The following MDFIC variants were observed in gnomAD, a reference collection of about 807,000 sequenced individuals.
MDFIC encodes myoD family inhibitor domain-containing protein.
A neutral mutation model predicts 23.2 loss-of-function variants in MDFIC; 17 were observed. That is an observed-to-expected ratio of 0.73 (90% CI 0.50 to 1.10). The LOEUF (loss-of-function observed/expected upper bound fraction) is 1.10, where lower values mean the gene tolerates loss of function less well. Among genes scored for constraint, MDFIC ranks in the 50% least tolerant of loss-of-function variants. The pLI is 0.00. For missense variants in MDFIC, 356 were observed against 316.6 expected (o/e 1.12, Z -0.95); for synonymous variants, 120 against 115.2 (o/e 1.04, Z -0.27).
intron 3 of MDFIC, among the ~76,000 whole-genome samples, chr7:114,962,100 C>T (rs1239796867): frequency 6.6e-6 from 1 of 152,086 alleles, no homozygotes; most frequent in Non-Finnish European, 1.5e-5. Context: ...TTCTAGATAT[C>T]ATGTCATATA....
At chr7:115,013,720 A>G (rs913144200) in intron 4 of MDFIC, among the ~76,000 whole-genome samples, 3 of 152,222 alleles carry the variant, frequency 2.0e-5, no homozygotes, top group African/African-American at 7.2e-5. Context: ...TCATGACGAT[A>G]ATGTAATTCT....
intron 3 of MDFIC, among the ~76,000 whole-genome samples, chr7:114,962,646 G>T (rs1793016036): frequency 6.6e-6 from 1 of 152,190 alleles, no homozygotes; most frequent in South Asian, 2.1e-4. Flanking sequence ...TAGAGGATGT[G>T]CAGTGCTCAG....
chr7:114,968,055 G>A (rs554721391), intron 3 of MDFIC, among the ~76,000 whole-genome samples: 1 of 152,098 alleles, frequency 6.6e-6, no homozygotes, highest in East Asian at 1.9e-4. Context: ...GGGCTCAAGG[G>A]ATCCTCCTGC....
intron 3 of MDFIC, among the ~76,000 whole-genome samples, chr7:114,961,663 T>C (rs1792994654): frequency 6.6e-6 from 1 of 151,810 alleles, no homozygotes; most frequent in Admixed American, 6.6e-5. Flanking sequence ...TGGTGGAAGG[T>C]GAAGGGGAAA....
intron 4 of MDFIC, among the ~76,000 whole-genome samples, chr7:115,009,638 T>C (rs746993682): frequency 6.6e-6 from 1 of 152,248 alleles, no homozygotes; most frequent in African/African-American, 2.4e-5. Flanking sequence ...ACTTCTAAGA[T>C]GCTGTTTAAT....
intron 4 of MDFIC, among the ~76,000 whole-genome samples, chr7:114,993,260 T>C (rs1437349930): frequency 1.3e-5 from 2 of 152,284 alleles, no homozygotes; most frequent in Admixed American, 1.3e-4. Flanking sequence ...TTATTAGTCT[T>C]GGTAGCGGTC....
chr7:114,974,537 A>G (rs1015515647), intron 3 of MDFIC, among the ~76,000 whole-genome samples: 3 of 152,150 alleles, frequency 2.0e-5, no homozygotes, highest in Non-Finnish European at 4.4e-5. Context: ...TAAACTGAAT[A>G]GCATGAGAAT....
chr7:114,927,515 T>C (rs1389229908), intron 2 of MDFIC, among the ~76,000 whole-genome samples: 1 of 152,072 alleles, frequency 6.6e-6, no homozygotes, highest in Non-Finnish European at 1.5e-5. Context: ...TTATTTATTT[T>C]CATAATTATA....
At chr7:114,997,571 T>C (rs1363382264) in intron 4 of MDFIC, among the ~76,000 whole-genome samples, 1 of 61,290 alleles carries the variant, frequency 1.6e-5, no homozygotes, top group Non-Finnish European at 3.6e-5. Flanking sequence ...ACCTCATCTC[T>C]ACAGGAAAAA....
intron 3 of MDFIC, among the ~76,000 whole-genome samples, chr7:114,974,666 G>C (rs1027194780): frequency 3.3e-5 from 5 of 152,068 alleles, no homozygotes; most frequent in Admixed American, 6.6e-5. Context: ...TACTCCAGCA[G>C]CTGTGGTTTC....
intron 2 of MDFIC, among the ~76,000 whole-genome samples, chr7:114,940,977 GTC>G (rs145600396): frequency 0.018 from 2,683 of 152,096 alleles, 120 homozygotes; most frequent in East Asian, 0.17. Flanking sequence ...GCTTTGCTAG[GTC>G]TCTCTTTTAG....
chr7:114,967,833 T>C (rs1269126504), intron 3 of MDFIC, among the ~76,000 whole-genome samples: 3 of 134,892 alleles, frequency 2.2e-5, no homozygotes, highest in South Asian at 2.7e-4. Flanking sequence ...TTCTTTTCTT[T>C]TTTTTTTTTT....
chr7:114,957,842 T>A (rs1374091593), intron 3 of MDFIC, among the ~76,000 whole-genome samples: 1 of 152,206 alleles, frequency 6.6e-6, no homozygotes, highest in Admixed American at 6.5e-5. Flanking sequence ...TTTATAGGCC[T>A]GCTAGGAAAA....
chr7:115,013,906 A>G (rs1195769059), intron 4 of MDFIC: 1 of 813,296 alleles, frequency 1.2e-6, no homozygotes, highest in Non-Finnish European at 1.5e-6. Flanking sequence ...GGTTACTACC[A>G]GAAATCAATA....
intron 3 of MDFIC, among the ~76,000 whole-genome samples, chr7:114,943,805 G>A (rs1792595274): frequency 6.6e-6 from 1 of 151,838 alleles, no homozygotes; most frequent in South Asian, 2.1e-4. Context: ...GAAGCAAAAT[G>A]GTTTTCTCAC....
intron 2 of MDFIC, among the ~76,000 whole-genome samples, chr7:114,931,024 T>C (rs1192939770): frequency 6.6e-6 from 1 of 152,166 alleles, no homozygotes; most frequent in Non-Finnish European, 1.5e-5. Context: ...TGCACCAGTA[T>C]TTTGGATACT....
chr7:114,983,560 G>A (rs937302637), intron 4 of MDFIC, among the ~76,000 whole-genome samples: 1 of 112,924 alleles, frequency 8.9e-6, no homozygotes, highest in South Asian at 3.0e-4. Context: ...ACTTCATCAG[G>A]TACTTTTTTT....
intron 2 of MDFIC, among the ~76,000 whole-genome samples, chr7:114,940,468 C>T (rs904747797): frequency 6.6e-6 from 1 of 152,206 alleles, no homozygotes; most frequent in African/African-American, 2.4e-5. Flanking sequence ...GGCTTGACAT[C>T]ATGCAGTTTT....
At position 114,967,568 on chromosome 7, in the gene MDFIC, A is replaced by T. The variant is rs184698369; in HGVS notation, c.218-11938A>T. Among the ~76,000 whole-genome samples, 1,122 of 152,304 alleles carry T rather than the reference A, an allele frequency of 7.4e-3. 6 individuals are homozygous for T. Among genetic ancestry groups the T allele is most frequent in the Non-Finnish European group, 0.012 (823 of 68,026 alleles). The stretch of plus-strand genomic sequence containing the variant: ...CTGCGCTATTTTTGGATTTTCTGTT[A>T]TATGAGATGATAAATATTTGTAAGT... On this transcript the variant is annotated intron_variant, in intron 3 of 4. Coordinates refer to ENST00000393486, the MANE Select transcript of MDFIC (RefSeq NM_001166345.3).
Sources: allele counts gnomAD v4.1 joint callset (sites outside exome capture counted in the v4.1 genomes callset), GRCh38; gene constraint gnomAD v4.1.1; transcripts MANE v1.5; gene names NCBI Gene and HGNC (gene_info 2026-07-23, HGNC 2026-07-21).